The following GPC6 variants were observed in gnomAD, a reference collection of about 807,000 sequenced individuals.
GPC6 encodes glypican 6.
GPC6 carries 14 observed loss-of-function variants against 55.2 expected under a neutral mutation model. The observed-to-expected ratio is 0.25, with a 90% CI of 0.17 to 0.40. The LOEUF is 0.40. GPC6 is among the 10% of genes least tolerant of loss of function. GPC6 has a pLI of 1.00. For missense variants in GPC6, 641 were observed against 708.5 expected, an observed-to-expected ratio of 0.90 and a Z score of 1.08; for synonymous variants, 278 against 259.6, an observed-to-expected ratio of 1.07 and a Z score of -0.68.
intron 4 of GPC6, among the ~76,000 whole-genome samples, chr13:94,157,800 G>A (rs966280877): frequency 2.0e-5 from 3 of 152,116 alleles, no homozygotes; most frequent in Admixed American, 1.3e-4. Context: ...TAGGTATCAC[G>A]TCAGCCATGT....
chr13:93,756,642 G>C (rs569830675), intron 2 of GPC6, among the ~76,000 whole-genome samples: 2 of 152,222 alleles, frequency 1.3e-5, no homozygotes, highest in East Asian at 3.9e-4. Context: ...TACACAGATG[G>C]GGTTAATCTT....
At chr13:94,233,885 G>A (rs755532602) in intron 4 of GPC6, among the ~76,000 whole-genome samples, 17 of 152,006 alleles carry the variant, frequency 1.1e-4, no homozygotes, top group Non-Finnish European at 2.2e-4. Context: ...ATAGGATTTG[G>A]TACTATCCAC....
At chr13:94,117,369 G>T (rs1886470213) in intron 4 of GPC6, among the ~76,000 whole-genome samples, 1 of 152,072 alleles carries the variant, frequency 6.6e-6, no homozygotes, top group Non-Finnish European at 1.5e-5. Flanking sequence ...TATTTGAGTA[G>T]GTGAATAACA....
At chr13:93,410,835 G>A (rs1228972053) in intron 1 of GPC6, among the ~76,000 whole-genome samples, 1 of 152,132 alleles carries the variant, frequency 6.6e-6, no homozygotes, top group African/African-American at 2.4e-5. Flanking sequence ...TAGAGGGACT[G>A]TCACTGGAGT....
At chr13:94,271,054 A>G (rs970585103) in intron 4 of GPC6, among the ~76,000 whole-genome samples, 7 of 129,162 alleles carry the variant, frequency 5.4e-5, no homozygotes, top group Non-Finnish European at 1.1e-4. Context: ...CAGTGGCGCA[A>G]TCTCGGCTCA....
chr13:94,333,664 C>G (rs1877537640), intron 6 of GPC6, among the ~76,000 whole-genome samples: 1 of 152,222 alleles, frequency 6.6e-6, no homozygotes, highest in Non-Finnish European at 1.5e-5. Flanking sequence ...AGGGCATTCT[C>G]TGTCTTGCTA....
rs146505410 is a variant in GPC6 at position 93,512,443 on chromosome 13, A to G, written c.161-32820A>G. Among the ~76,000 whole-genome samples the G allele has an allele frequency of 3.7e-3, 558 of 152,134 alleles. 5 individuals are homozygous for G. The highest frequency in any genetic ancestry group is 0.013 in the African/African-American group (533 of 41,540). On this transcript the variant is annotated intron_variant, in intron 1 of 8. Transcript: ENST00000377047. ...TTGAAATCGTTTTTTCTTTCATTCTATTGACATGATGTATCAGCTTAATTG... is the reference window on the plus strand; with the variant it reads ...TTGAAATCGTTTTTTCTTTCATTCTGTTGACATGATGTATCAGCTTAATTG...
intron 1 of GPC6, among the ~76,000 whole-genome samples, chr13:93,290,326 C>A (rs576993182): frequency 6.6e-6 from 1 of 152,190 alleles, no homozygotes; most frequent in African/African-American, 2.4e-5. Flanking sequence ...TGGGGCATAT[C>A]AATTAAGAAC....
At chr13:94,040,508 C>T (rs1295949311) in intron 4 of GPC6, among the ~76,000 whole-genome samples, 1 of 151,834 alleles carries the variant, frequency 6.6e-6, no homozygotes, top group African/African-American at 2.4e-5. Flanking sequence ...TCCCTAGTGA[C>T]TTGTGTCGAA....
chr13:94,154,226 G>A (rs939193071), intron 4 of GPC6: 5 of 129,898 alleles, frequency 3.8e-5, no homozygotes, highest in Admixed American at 2.4e-4. Flanking sequence ...TTTTTTTATT[G>A]CGATTTTTTT....
chr13:93,452,769 T>C (rs1396864237), intron 1 of GPC6, among the ~76,000 whole-genome samples: 1 of 152,226 alleles, frequency 6.6e-6, no homozygotes, highest in Non-Finnish European at 1.5e-5. Context: ...AGCATTGGTG[T>C]ATATTACATA....
At chr13:93,705,164 A>G (rs545326658) in intron 2 of GPC6, among the ~76,000 whole-genome samples, 1 of 152,066 alleles carries the variant, frequency 6.6e-6, no homozygotes, top group South Asian at 2.1e-4. Flanking sequence ...TTCCTTTTCT[A>G]TATCTGCTTT....
At chr13:93,592,003 T>C (rs1251065746) in intron 2 of GPC6, among the ~76,000 whole-genome samples, 2 of 152,156 alleles carry the variant, frequency 1.3e-5, no homozygotes, top group Non-Finnish European at 2.9e-5. Flanking sequence ...AAAAGTTAAA[T>C]ATAAGGAAGC....
chr13:93,613,744 C>T (rs1186006066), intron 2 of GPC6, among the ~76,000 whole-genome samples: 3 of 152,094 alleles, frequency 2.0e-5, no homozygotes, highest in Non-Finnish European at 2.9e-5. Flanking sequence ...TTGCAGAGGA[C>T]ATTTAGGGGA....
chr13:93,235,459 A>G (rs1026391058), intron 1 of GPC6, among the ~76,000 whole-genome samples: 2 of 152,116 alleles, frequency 1.3e-5, no homozygotes, highest in Non-Finnish European at 2.9e-5. Context: ...TTAGGCAAGC[A>G]GTATCACAGG....
At chr13:93,765,777 A>G (rs937041055) in intron 2 of GPC6, among the ~76,000 whole-genome samples, 1 of 152,222 alleles carries the variant, frequency 6.6e-6, no homozygotes, top group Non-Finnish European at 1.5e-5. Context: ...AATCATTGCT[A>G]TTATTCCTGT....
At chr13:94,115,535 T>C (rs1886405691) in intron 4 of GPC6, among the ~76,000 whole-genome samples, 2 of 152,142 alleles carry the variant, frequency 1.3e-5, no homozygotes, top group African/African-American at 4.8e-5. Flanking sequence ...AACAGACTCA[T>C]TGACCCTTCC....
chr13:93,590,989 T>TA (rs924536773), intron 2 of GPC6, among the ~76,000 whole-genome samples: 46 of 143,568 alleles, frequency 3.2e-4, no homozygotes, highest in Middle Eastern at 7.2e-3. Flanking sequence ...AGTATAATAA[T>TA]AAAAAAAAAA....
intron 4 of GPC6, among the ~76,000 whole-genome samples, chr13:94,274,750 CTTT>C (rs34886785): frequency 1.3e-5 from 2 of 148,186 alleles, no homozygotes; most frequent in Non-Finnish European, 1.5e-5. Context: ...ATATCAACAT[CTTT>C]TTTTTTTTTT....
Sources: gnomAD v4.1 joint callset for allele counts (sites outside exome capture counted in the v4.1 genomes callset) on GRCh38, gnomAD v4.1.1 for gene constraint, MANE v1.5 for transcripts, NCBI Gene and HGNC (gene_info 2026-07-23, HGNC 2026-07-21) for gene names.